Variants in INSR observed in about 807,000 individuals in gnomAD.
INSR encodes the protein IR.
In INSR, 67 loss-of-function variants were observed where a neutral mutation model predicts 142.6. The observed-to-expected ratio is 0.47, with a 90% CI of 0.39 to 0.58. INSR has a LOEUF of 0.58. Among genes scored for constraint, INSR ranks in the 20% least tolerant of loss-of-function variants. The probability of loss-of-function intolerance (pLI) is 0.00; values close to 1 mark genes in which losing one functional copy is unlikely to be tolerated. For missense variants in INSR, 1,248 were observed against 1,833.2 expected (o/e 0.68, Z 5.83); for synonymous variants, 756 against 743.1 (o/e 1.02, Z -0.28).
At chr19:7,217,196 G>A (rs1054759506) in intron 2 of INSR, among the ~76,000 whole-genome samples, 4 of 152,074 alleles carry the variant, frequency 2.6e-5, no homozygotes, top group Non-Finnish European at 5.9e-5. Flanking sequence ...AAATCAAGAT[G>A]TTACAAAGGT....
At chr19:7,127,633 A>G (rs1248129344) in intron 15 of INSR, among the ~76,000 whole-genome samples, 4 of 152,220 alleles carry the variant, frequency 2.6e-5, no homozygotes, top group Admixed American at 2.6e-4. Context: ...TTGAATTTAG[A>G]CATCCTGGGA....
intron 9 of INSR, 26 bp from the exon 10 acceptor site, chr19:7,152,953 G>T (rs781257276): frequency 1.3e-6 from 2 of 1,575,680 alleles, no homozygotes; most frequent in South Asian, 2.2e-5. Flanking sequence ...GAAAAGGGGG[G>T]CTCAAGTCTC....
rs910122841 is a variant in INSR at position 7,116,268 on chromosome 19, G to A, written c.*788C>T. 5 of 151,594 alleles carry A rather than the reference G, an allele frequency of 3.3e-5. No individual in the cohort carries two copies. The East Asian group carries it at 5.8e-4, about 18-fold the overall frequency. 9.4% of individuals were successfully genotyped at this position (151,594 alleles called of 1,614,324 possible). A position where few individuals can be genotyped will look rare whatever the true frequency, so the allele number is the denominator to read the frequency against. On this transcript the variant is annotated 3_prime_UTR_variant, in exon 22 of 22. Transcript: ENST00000302850. ...ACTTCTGACACAAGAAGAATCTGTCGAGAGCACAGTCTCCCAGTCAATAAG... is the reference window on the plus strand; with the variant it reads ...ACTTCTGACACAAGAAGAATCTGTCAAGAGCACAGTCTCCCAGTCAATAAG...
Position 7,166,032 on chromosome 19 carries a change from TA to T in INSR, c.1861+121del, listed in dbSNP as rs57156578. 0.13 allele frequency: 118,098 copies of T among 929,572 alleles called. 3 individuals are homozygous for T. Among genetic ancestry groups the T allele is most frequent in the East Asian group, 0.25 (8,392 of 32,918 alleles). The allele number at this position is 929,572 out of a possible 1,614,324, so 57.6% of individuals were successfully genotyped here. ...CTGGGTGACAAAGTAAGACCCTGTC[TA>T]AAAAAAAAAAAAAAGCCAATAACCA... On this transcript the variant is annotated intron_variant, in intron 8 of 21. Coordinates refer to ENST00000302850, the MANE Select transcript of INSR (RefSeq NM_000208.4). The surrounding 1 kb of genome is among the most constrained non-coding windows in gnomAD (Gnocchi z 4.1).
chr19:7,170,334 T>A (rs1038914646), intron 6 of INSR, among the ~76,000 whole-genome samples: 6 of 151,676 alleles, frequency 4.0e-5, no homozygotes, highest in Non-Finnish European at 8.8e-5. Flanking sequence ...AAGCTCAGGG[T>A]TCCCATTGAT....
intron 9 of INSR, among the ~76,000 whole-genome samples, chr19:7,157,844 T>C (rs1973636905): frequency 6.6e-6 from 1 of 151,874 alleles, no homozygotes; most frequent in African/African-American, 2.4e-5. Flanking sequence ...GTGTATCAAG[T>C]ACCTTCCTGT....
chr19:7,223,052 G>A (rs568365024), intron 2 of INSR, among the ~76,000 whole-genome samples: 5 of 152,194 alleles, frequency 3.3e-5, no homozygotes, highest in South Asian at 4.2e-4. Context: ...GTGTGGTGGC[G>A]TGCACCTGTA....
chr19:7,126,557 C>T (rs1486881736), intron 16 of INSR, 27 bp downstream of exon 16: 1 of 1,544,706 alleles, frequency 6.5e-7, no homozygotes, highest in African/African-American at 1.4e-5. Context: ...GGGTTCTGGC[C>T]ACCCACAGGG....
rs1310859131 is a variant in INSR, at chr19:7,150,245, C to T, written c.2267+252G>A. Among the ~76,000 whole-genome samples the T allele has an allele frequency of 5.3e-5, 8 of 152,036 alleles. No individual in the cohort carries two copies. The East Asian group carries it at 1.5e-3, about 29-fold the overall frequency. On this transcript the variant is annotated intron_variant, in intron 11 of 21. Coordinates refer to ENST00000302850, the MANE Select transcript of INSR (RefSeq NM_000208.4). This position sits in a 1 kb window ranked among gnomAD's most constrained non-coding sequence, Gnocchi z 4.2. The stretch of plus-strand genomic sequence containing the variant: ...CAAACAGAAGGCAGGGAGGGGGTAC[C>T]CAGGAAGCACTCCCATGATTCTATG...
At chr19:7,256,904 T>C (rs1976910599) in intron 2 of INSR, among the ~76,000 whole-genome samples, 1 of 149,578 alleles carries the variant, frequency 6.7e-6, no homozygotes, top group South Asian at 2.1e-4. Context: ...AAGTGGGCCA[T>C]CATTCACGTT....
chr19:7,283,072 A>G (rs1010876354), intron 1 of INSR, among the ~76,000 whole-genome samples: 2 of 152,046 alleles, frequency 1.3e-5, no homozygotes, highest in African/African-American at 4.8e-5. Context: ...ACACGCCTGT[A>G]GTGCCAGCTA....
intron 1 of INSR, among the ~76,000 whole-genome samples, chr19:7,289,598 G>T (rs368233460): frequency 4.1e-4 from 63 of 151,922 alleles, no homozygotes; most frequent in African/African-American, 1.5e-3. Flanking sequence ...TAGAGATGGG[G>T]TTTCACCATG....
At chr19:7,244,751 G>A (rs1174032178) in intron 2 of INSR, among the ~76,000 whole-genome samples, 2 of 151,928 alleles carry the variant, frequency 1.3e-5, no homozygotes, top group African/African-American at 2.4e-5. Flanking sequence ...TCCAAGAACC[G>A]TTTTATATTT....
chr19:7,221,017 A>G (rs942011321), intron 2 of INSR, among the ~76,000 whole-genome samples: 5 of 152,132 alleles, frequency 3.3e-5, no homozygotes, highest in African/African-American at 1.2e-4. Flanking sequence ...TGACACTCTC[A>G]GCTCCCTCGC....
chr19:7,265,791 T>C (rs1967708067), intron 2 of INSR, among the ~76,000 whole-genome samples: 1 of 150,944 alleles, frequency 6.6e-6, no homozygotes, highest in East Asian at 1.9e-4. Context: ...CTTTCATGGG[T>C]AGAAGAAGAC....
intron 2 of INSR, among the ~76,000 whole-genome samples, chr19:7,240,391 A>T (rs11085221): frequency 0.77 from 116,327 of 151,442 alleles, 45,237 homozygotes; most frequent in Non-Finnish European, 0.83. Context: ...GAGACCAGCC[A>T]GGCCAACATG....
chr19:7,131,478 G>A (rs1972780032), intron 14 of INSR, among the ~76,000 whole-genome samples: 1 of 151,244 alleles, frequency 6.6e-6, no homozygotes, highest in African/African-American at 2.4e-5. Context: ...TGAGTAGCTG[G>A]GACTACAGGC....
chr19:7,237,066 C>T (rs1976181048), intron 2 of INSR, among the ~76,000 whole-genome samples: 1 of 150,990 alleles, frequency 6.6e-6, no homozygotes, highest in African/African-American at 2.4e-5. Flanking sequence ...TTTGGGGACT[C>T]AGGGGGAAAG....
intron 2 of INSR, among the ~76,000 whole-genome samples, chr19:7,197,563 AGTGT>A (rs201931284): frequency 0.025 from 1,392 of 55,926 alleles, 277 homozygotes; most frequent in Non-Finnish European, 0.036. Flanking sequence ...CCAGAGTGGG[AGTGT>A]GTGTGTTTGG....
Sources: gnomAD v4.1 joint callset for allele counts (sites outside exome capture counted in the v4.1 genomes callset) on GRCh38, gnomAD v4.1.1 for gene constraint, Gnocchi (gnomAD v3.1) non-coding constraint, MANE v1.5 for transcripts, NCBI Gene and HGNC (gene_info 2026-07-23, HGNC 2026-07-21) for gene names.